SRP72: variants seen among roughly 807,000 people sequenced by gnomAD.
SRP72 encodes signal recognition particle subunit SRP72.
SRP72 carries 49 observed loss-of-function variants against 96.3 expected under a neutral mutation model. The ratio of observed to expected loss-of-function variants is 0.51; its 90% CI spans 0.40 to 0.65. The LOEUF is 0.65. SRP72 is among the 30% of genes least tolerant of loss of function. The probability of loss-of-function intolerance (pLI) is 0.00; values close to 1 mark genes in which losing one functional copy is unlikely to be tolerated. For missense variants in SRP72, 736 were observed against 793.3 expected (o/e 0.93, Z 0.87); for synonymous variants, 267 against 275.2 (o/e 0.97, Z 0.30).
At chr4:56,485,609 T>C (rs1720676664) in intron 10 of SRP72, among the ~76,000 whole-genome samples, 1 of 152,178 alleles carries the variant, frequency 6.6e-6, no homozygotes, top group South Asian at 2.1e-4. Context: ...AAGACCAGCC[T>C]GGCCAACATG....
intron 8 of SRP72, among the ~76,000 whole-genome samples, chr4:56,479,421 C>T (rs374050838): frequency 2.6e-5 from 4 of 152,160 alleles, no homozygotes; most frequent in South Asian, 4.2e-4. Flanking sequence ...CCTCGTGATC[C>T]GCCCACCTCA....
At position 56,469,635 on chromosome 4, in the gene SRP72, C is replaced by G; in HGVS notation, c.110-18C>G. ...GGAAATGGATTTAAAAATGACTTTT[C>G]CTAAAATTGTTCTCTAGTACTACAG... On this transcript the variant is annotated intron_variant, in intron 1 of 18. Transcript: ENST00000642900. 6.5e-7 allele frequency: 1 copy of G among 1,531,282 alleles called. No homozygotes were observed. Among genetic ancestry groups the G allele is most frequent in the Non-Finnish European group, 8.9e-7 (1 of 1,125,448 alleles). 94.9% of individuals were successfully genotyped at this position (1,531,282 alleles called of 1,614,324 possible).
chr4:56,498,157 T>A (rs942862991), intron 17 of SRP72, among the ~76,000 whole-genome samples: 52 of 152,294 alleles, frequency 3.4e-4, no homozygotes, highest in African/African-American at 1.2e-3. Context: ...TTTTTTTCTT[T>A]ATGGTCTCTG....
At chr4:56,483,418 T>C in intron 9 of SRP72, 148 bp downstream of exon 9, 1 of 740,030 alleles carries the variant, frequency 1.4e-6, no homozygotes, top group Non-Finnish European at 2.1e-6. Flanking sequence ...CTCAAAATAT[T>C]ATATATATTA....
At chr4:56,494,076 G>C (rs925156659) in intron 16 of SRP72, among the ~76,000 whole-genome samples, 1 of 152,146 alleles carries the variant, frequency 6.6e-6, no homozygotes, top group African/African-American at 2.4e-5. Flanking sequence ...GGCAAAGGGT[G>C]AGCTAAGGCA....
intron 11 of SRP72, among the ~76,000 whole-genome samples, chr4:56,487,239 CAGTT>C (rs1270724729): frequency 6.6e-6 from 1 of 151,960 alleles, no homozygotes; most frequent in Non-Finnish European, 1.5e-5. Flanking sequence ...GGGGAGTTGG[CAGTT>C]AGGGAAAAAA....
At chr4:56,476,633 C>T (rs773604170) in intron 5 of SRP72, 38 bp from the exon 6 acceptor site, 3 of 1,606,384 alleles carry the variant, frequency 1.9e-6, no homozygotes, top group Non-Finnish European at 2.6e-6. Flanking sequence ...TGGGATTTAC[C>T]CAGCAATACT....
chr4:56,490,620 C>A lies in SRP72; in HGVS notation c.1477C>A (p.Leu493Ile), dbSNP rs765292874. ...TLAQLISAYS[L>I]VDPEKAKALS... ...GGCACAGCTTATTTCTGCTTACTCA[C>A]TTGTAGATCCAGAGAAAGCCAAAGC... Residue 493 changes from leucine (L) to isoleucine (I), a missense_variant, in exon 15 of 19, where the codon CTT (leucine) becomes ATT (isoleucine). By Grantham distance (5) the Leu-to-Ile change is conservative (BLOSUM62 2). Transcript: ENST00000642900. 8 of 1,613,832 alleles carry A rather than the reference C, an allele frequency of 5.0e-6. No individual in the cohort carries two copies. The Admixed American group carries it at 1.0e-4, about 20-fold the overall frequency.
chr4:56,474,523 T>G, intron 5 of SRP72, 132 bp downstream of exon 5: 1 of 796,052 alleles, frequency 1.3e-6, no homozygotes, highest in South Asian at 1.8e-5. Flanking sequence ...TTCTCCAAGT[T>G]CCTGTCGTCT....
chr4:56,478,255 C>A, intron 6 of SRP72, 124 bp from the exon 7 acceptor site: 1 of 920,772 alleles, frequency 1.1e-6, no homozygotes, highest in Non-Finnish European at 1.5e-6. Context: ...AGAACTGACT[C>A]TAAGGGAAAA....
intron 8 of SRP72, among the ~76,000 whole-genome samples, chr4:56,482,869 G>C (rs1376501739): frequency 6.6e-6 from 1 of 152,182 alleles, no homozygotes; most frequent in African/African-American, 2.4e-5. Flanking sequence ...TACCTAGGAA[G>C]CCTCCTTTGA....
chr4:56,502,353 C>G lies in SRP72; in HGVS notation c.*492C>G, dbSNP rs1028547299. On this transcript the variant is annotated 3_prime_UTR_variant, in exon 19 of 19. Transcript: ENST00000642900. ...GATAAAGAGGGACCTTCTTAATACACTGATGTTCTTCACTAAATGGATGGC... is the reference window on the plus strand; with the variant it reads ...GATAAAGAGGGACCTTCTTAATACAGTGATGTTCTTCACTAAATGGATGGC... 1 of 152,612 alleles carries G rather than the reference C, an allele frequency of 6.6e-6. No homozygotes were observed. The highest frequency in any genetic ancestry group is 1.5e-5 in the Non-Finnish European group (1 of 68,550). The allele number at this position is 152,612 out of a possible 1,614,324, so 9.5% of individuals were successfully genotyped here.
rs571916005 is a variant in SRP72 at position 56,483,575 on chromosome 4, G to A, written c.957+305G>A. Among the ~76,000 whole-genome samples the A allele has an allele frequency of 9.2e-5, 14 of 151,916 alleles. 1 individual carries two copies. The highest frequency in any genetic ancestry group is 3.4e-4 in the African/African-American group (14 of 41,412). On this transcript the variant is annotated intron_variant, in intron 9 of 18. Coordinates refer to ENST00000642900, the MANE Select transcript of SRP72 (RefSeq NM_006947.4). The stretch of plus-strand genomic sequence containing the variant: ...ATGGTGGTGTATGCCTGTAGTCCCA[G>A]CTACTCTGGAGACTGAGGCACAAGA...
Position 56,501,738 on chromosome 4 carries a change from T to C in SRP72, c.1893T>C (p.Ala631=), listed in dbSNP as rs1721267997. The C allele has an allele frequency of 6.2e-7, 1 of 1,614,034 alleles. No homozygotes were observed. The change falls in exon 19 of 19, where the codon GCT becomes GCC. Residue 631 remains alanine, a synonymous_variant. Transcript: ENST00000642900. Reference sequence around the variant, plus strand: ...CCACCTCCCCAAGACCTGGCAGTGCTGCAACAGTATCTGCCTCTACAAGTA... The same window carrying C: ...CCACCTCCCCAAGACCTGGCAGTGCCGCAACAGTATCTGCCTCTACAAGTA... ...SPPTSPRPGS[A]ATVSASTSNI... is the part of the protein sequence containing the mutation.
intron 13 of SRP72, 35 bp downstream of exon 13, chr4:56,489,518 T>C: frequency 7.6e-7 from 1 of 1,318,396 alleles, no homozygotes; most frequent in African/African-American, 1.4e-5. Flanking sequence ...TGAGAGCATG[T>C]TTTTACATAA....
At chr4:56,483,952 C>T (rs907854129) in intron 9 of SRP72, among the ~76,000 whole-genome samples, 11 of 150,876 alleles carry the variant, frequency 7.3e-5, no homozygotes, top group Non-Finnish European at 1.5e-4. Flanking sequence ...TCAATTCTAA[C>T]TCCAGTAAGC....
chr4:56,476,348 G>T, intron 5 of SRP72: 1 of 324,548 alleles, frequency 3.1e-6, no homozygotes, highest in South Asian at 4.2e-5. Context: ...TTATCTCTGG[G>T]TGGTAGGATT....
In SRP72 at chr4:56,486,583, C is replaced by T. The variant is rs550170160; in HGVS notation, c.1159+186C>T. 1.2e-4 allele frequency among the ~76,000 whole-genome samples: 18 copies of T among 152,216 alleles called. No homozygotes were observed. In the South Asian group the frequency reaches 3.3e-3, roughly 28 times the overall value. ...TAGTAGTGAGGTAGTTGCCCCTTTTCGTGGATTATTCCTAAATTATTAGAA... is the reference window on the plus strand; with the variant it reads ...TAGTAGTGAGGTAGTTGCCCCTTTTTGTGGATTATTCCTAAATTATTAGAA... On this transcript the variant is annotated intron_variant, in intron 11 of 18. Coordinates refer to ENST00000642900, the MANE Select transcript of SRP72 (RefSeq NM_006947.4).
intron 1 of SRP72, among the ~76,000 whole-genome samples, chr4:56,468,430 T>C (rs1036997731): frequency 6.6e-6 from 1 of 152,184 alleles, no homozygotes; most frequent in Admixed American, 6.5e-5. Flanking sequence ...CCGCCTTTGG[T>C]GTGAGGTTTA....
Sources: allele counts gnomAD v4.1 joint callset (sites outside exome capture counted in the v4.1 genomes callset), GRCh38; gene constraint gnomAD v4.1.1; transcripts MANE v1.5; gene names NCBI Gene and HGNC (gene_info 2026-07-23, HGNC 2026-07-21).